The following MGST2 variants were observed in gnomAD, a reference collection of about 807,000 sequenced individuals.
MGST2 encodes the protein microsomal glutathione S-transferase 2.
Under a neutral mutation model 16.6 loss-of-function variants are expected in MGST2, and 9 were observed. The observed-to-expected ratio is 0.54, with a 90% CI of 0.33 to 0.95. The LOEUF is 0.95. Ranked by LOEUF, MGST2 falls within the 40% of genes least tolerant of loss-of-function variation. The pLI, the probability that MGST2 is intolerant of heterozygous loss-of-function variation, is 0.03. For synonymous variants in MGST2, 79 were observed against 68.0 expected (o/e 1.16, Z -0.79); for missense variants, 159 against 175.1 (o/e 0.91, Z 0.52).
chr4:139,673,663 C>T (rs1730822087), intron 1 of MGST2, among the ~76,000 whole-genome samples: 1 of 152,154 alleles, frequency 6.6e-6, no homozygotes, highest in African/African-American at 2.4e-5. Context: ...GTCCTCCTGC[C>T]TCGGCCTCCC....
intron 2 of MGST2, among the ~76,000 whole-genome samples, chr4:139,691,682 G>GATTATT (rs1491426688): frequency 7.5e-6 from 1 of 133,046 alleles, no homozygotes; most frequent in African/African-American, 3.0e-5. Context: ...TGATGATGAT[G>GATTATT]ATGATGATGA....
At chr4:139,729,982 C>A (rs191009274) in intron 5 of MGST2, among the ~76,000 whole-genome samples, 1 of 152,290 alleles carries the variant, frequency 6.6e-6, no homozygotes, top group Non-Finnish European at 1.5e-5. Context: ...CTATAGAATT[C>A]TTCTCAATTC....
In MGST2 at chr4:139,692,399, G is replaced by C. The variant is rs1560748495; in HGVS notation, c.159-2798G>C. Among the ~76,000 whole-genome samples the C allele has an allele frequency of 2.0e-5, 3 of 152,226 alleles. No homozygotes were observed. In the South Asian group the frequency reaches 6.2e-4, roughly 32 times the overall value. Reference sequence around the variant, plus strand: ...GGATGTGCCCAGGGACACAGCTCCTGCTGGCAAGCAGCTGAAGCAAGGGGC... The same window carrying C: ...GGATGTGCCCAGGGACACAGCTCCTCCTGGCAAGCAGCTGAAGCAAGGGGC... On this transcript the variant is annotated intron_variant, in intron 2 of 4. Transcript: ENST00000265498.
chr4:139,684,222 G>A (rs188589428), intron 2 of MGST2, among the ~76,000 whole-genome samples: 8 of 152,216 alleles, frequency 5.3e-5, no homozygotes, highest in South Asian at 4.1e-4. Flanking sequence ...CACCGTACCC[G>A]GCCTAAAACC....
chr4:139,676,590 G>T (rs922951904), intron 1 of MGST2, among the ~76,000 whole-genome samples: 22 of 152,028 alleles, frequency 1.4e-4, no homozygotes, highest in African/African-American at 4.8e-4. Flanking sequence ...CATTAAGGAG[G>T]GTAATCTGCT....
chr4:139,728,821 C>T (rs1728582982), intron 5 of MGST2, among the ~76,000 whole-genome samples: 1 of 152,200 alleles, frequency 6.6e-6, no homozygotes. Flanking sequence ...GGGCTGGCCT[C>T]ACCGTGTGGG....
chr4:139,681,353 T>A (rs1731232019), intron 2 of MGST2, among the ~76,000 whole-genome samples: 1 of 152,056 alleles, frequency 6.6e-6, no homozygotes, highest in South Asian at 2.1e-4. Context: ...TCCCCCAGAT[T>A]TCCTCTCCTT....
chr4:139,730,643 G>C (rs1728667335), intron 5 of MGST2: 1 of 1,612,818 alleles, frequency 6.2e-7, no homozygotes, highest in Non-Finnish European at 8.5e-7. Flanking sequence ...CCTGTGGTTC[G>C]GGGAAGTCCA....
intron 5 of MGST2, among the ~76,000 whole-genome samples, chr4:139,739,854 T>G (rs1324327701): frequency 2.0e-5 from 3 of 152,044 alleles, no homozygotes; most frequent in Non-Finnish European, 4.4e-5. Flanking sequence ...ACTTTTAGTA[T>G]TATTTTTAAA....
chr4:139,729,968 C>A (rs1044580548), intron 5 of MGST2, among the ~76,000 whole-genome samples: 8 of 152,230 alleles, frequency 5.3e-5, no homozygotes, highest in Non-Finnish European at 1.0e-4. Context: ...GTTCATTACC[C>A]ATTCTATAGA....
intron 5 of MGST2, chr4:139,720,018 C>G (rs1256781461): frequency 6.2e-7 from 1 of 1,613,982 alleles, no homozygotes. Context: ...ATTCCAACCC[C>G]CTGCCCAGAG....
chr4:139,730,204 C>A (rs1728643774), intron 5 of MGST2: 1 of 594,298 alleles, frequency 1.7e-6, no homozygotes, highest in Non-Finnish European at 3.0e-6. Context: ...ATGGCTGGAG[C>A]CTGTCTTTTA....
intron 1 of MGST2, among the ~76,000 whole-genome samples, chr4:139,666,689 C>T (rs1560731550): frequency 6.6e-6 from 1 of 152,176 alleles, no homozygotes; most frequent in East Asian, 1.9e-4. Flanking sequence ...CCATGGGAGT[C>T]ACATTTGCTC....
chr4:139,711,964 A>G (rs1238698942), intron 5 of MGST2, among the ~76,000 whole-genome samples: 3 of 152,214 alleles, frequency 2.0e-5, no homozygotes, highest in Non-Finnish European at 2.9e-5. Flanking sequence ...AAGCATCAGT[A>G]TGGTGAGGGC....
chr4:139,680,629 A>G (rs1233080980), intron 2 of MGST2, among the ~76,000 whole-genome samples: 1 of 151,162 alleles, frequency 6.6e-6, no homozygotes, highest in Non-Finnish European at 1.5e-5. Context: ...CTCTCTTTTT[A>G]GTGGAGTGCA....
At position 139,715,670 on chromosome 4, in the gene MGST2, C is replaced by A. The variant is rs1313161190; in HGVS notation, c.*48+11474C>A. Among the ~76,000 whole-genome samples the A allele has an allele frequency of 6.6e-6, 1 of 152,200 alleles. No individual in the cohort carries two copies. The highest frequency in any genetic ancestry group is 2.4e-5 in the African/African-American group (1 of 41,528). On this transcript the variant is annotated intron_variant, in intron 5 of 5. Transcript: ENST00000616265. The surrounding 1 kb of genome is among the most constrained non-coding windows in gnomAD (Gnocchi z 4.4). ...ATTATTCATGCCTCCCCTTTTTAGACCATATAGGGTAACTTCCTGACCTTG... is the reference window on the plus strand; with the variant it reads ...ATTATTCATGCCTCCCCTTTTTAGAACATATAGGGTAACTTCCTGACCTTG...
intron 5 of MGST2, among the ~76,000 whole-genome samples, chr4:139,714,295 T>G (rs1276235494): frequency 6.6e-6 from 1 of 152,210 alleles, no homozygotes; most frequent in Non-Finnish European, 1.5e-5. Context: ...TTTTTGGCAT[T>G]AATCAAAACT....
At chr4:139,753,902 T>C in the MGST2 span, among the ~76,000 whole-genome samples, 1 of 152,278 alleles carries the variant, frequency 6.6e-6, no homozygotes, top group East Asian at 1.9e-4. Context: ...AATTGTGTAA[T>C]GAGCAAAAGA....
intron 5 of MGST2, among the ~76,000 whole-genome samples, chr4:139,734,226 C>CT (rs1181627796): frequency 6.6e-6 from 1 of 152,220 alleles, no homozygotes; most frequent in Non-Finnish European, 1.5e-5. Context: ...GAGAAATAGT[C>CT]TGTCAAATTT....
Sources: gnomAD v4.1 joint callset for allele counts (sites outside exome capture counted in the v4.1 genomes callset) on GRCh38, gnomAD v4.1.1 for gene constraint, Gnocchi (gnomAD v3.1) non-coding constraint, MANE v1.5 for transcripts, NCBI Gene and HGNC (gene_info 2026-07-23, HGNC 2026-07-21) for gene names.